Variants in MCU observed in about 807,000 individuals in gnomAD.
The protein encoded by MCU is calcium uniporter protein, mitochondrial.
A neutral mutation model predicts 45.2 loss-of-function variants in MCU; 12 were observed. The observed-to-expected ratio is 0.27, with a 90% CI of 0.17 to 0.43. The LOEUF (loss-of-function observed/expected upper bound fraction) is 0.43. Ranked by LOEUF, MCU falls within the 20% of genes least tolerant of loss-of-function variation. The pLI is 1.00. For missense variants in MCU, 324 were observed against 436.7 expected, an observed-to-expected ratio of 0.74 and a Z score of 2.30; for synonymous variants, 160 against 165.1, an observed-to-expected ratio of 0.97 and a Z score of 0.24.
At chr10:72,733,973 G>A (rs1843216233) in intron 1 of MCU, among the ~76,000 whole-genome samples, 1 of 151,880 alleles carries the variant, frequency 6.6e-6, no homozygotes, top group African/African-American at 2.4e-5. Flanking sequence ...AGCTTTAAAG[G>A]GAATGTGGTC....
chr10:72,882,391 C>G (rs528052023), intron 6 of MCU, among the ~76,000 whole-genome samples: 3 of 152,334 alleles, frequency 2.0e-5, no homozygotes, highest in African/African-American at 7.2e-5. Flanking sequence ...AGCCATATTT[C>G]TCTTCTTTCA....
At chr10:72,699,949 G>A (rs769463571) in intron 1 of MCU, among the ~76,000 whole-genome samples, 1 of 151,632 alleles carries the variant, frequency 6.6e-6, no homozygotes, top group Non-Finnish European at 1.5e-5. Flanking sequence ...AATGGGTCAC[G>A]CATCTTCTCA....
intron 1 of MCU, among the ~76,000 whole-genome samples, chr10:72,712,143 T>G (rs1167096907): frequency 6.6e-6 from 1 of 152,198 alleles, no homozygotes; most frequent in African/African-American, 2.4e-5. Flanking sequence ...TTTAAACCTC[T>G]GTTAACTGAC....
At chr10:72,740,303 C>T (rs1024562688) in intron 1 of MCU, among the ~76,000 whole-genome samples, 12 of 150,986 alleles carry the variant, frequency 7.9e-5, no homozygotes, top group East Asian at 5.9e-4. Flanking sequence ...TGCTTGAACC[C>T]GGGAGGCAGA....
intron 1 of MCU, chr10:72,721,037 A>G (rs1483241464): frequency 6.5e-6 from 1 of 154,110 alleles, no homozygotes; most frequent in Non-Finnish European, 1.5e-5. Context: ...CCTGAATGAA[A>G]GAGCCAGTGG....
chr10:72,855,306 T>C (rs909186086), intron 2 of MCU, among the ~76,000 whole-genome samples: 1 of 151,968 alleles, frequency 6.6e-6, no homozygotes, highest in African/African-American at 2.4e-5. Context: ...GCCTGAGCAT[T>C]GTGGCTCAAT....
chr10:72,714,315 A>C (rs1420455269), intron 1 of MCU, among the ~76,000 whole-genome samples: 1 of 113,482 alleles, frequency 8.8e-6, no homozygotes, highest in East Asian at 2.2e-4. Flanking sequence ...TTTGTTTATG[A>C]GCTGTTACTT....
chr10:72,765,786 CAAAAAAAAAAAAAA>C (rs36071651), intron 1 of MCU, among the ~76,000 whole-genome samples: 1 of 63,222 alleles, frequency 1.6e-5, no homozygotes, highest in Non-Finnish European at 3.4e-5. Flanking sequence ...GACGCTGTCT[CAAAAAAAAAAAAAA>C]AAAAAAAAGA....
intron 1 of MCU, among the ~76,000 whole-genome samples, chr10:72,791,988 C>T (rs1844168064): frequency 1.3e-5 from 2 of 152,208 alleles, no homozygotes; most frequent in Admixed American, 6.5e-5. Context: ...TCTTCCACTT[C>T]CTAGCTGTTT....
chr10:72,729,262 C>T (rs940057616), intron 1 of MCU, among the ~76,000 whole-genome samples: 7 of 152,042 alleles, frequency 4.6e-5, no homozygotes, highest in Non-Finnish European at 1.0e-4. Flanking sequence ...GTCAGGAGTT[C>T]GAGACCAGCC....
Position 72,879,193 on chromosome 10 carries a change from A to T in MCU, c.862-5073A>T, listed in dbSNP as rs545895016. ...CATGAGGATCGCTTGAACCTGAGAG[A>T]CGAAGGTTGCAGTGAACTGAGATCA... On this transcript the variant is annotated intron_variant, in intron 6 of 7. Coordinates refer to ENST00000373053, the MANE Select transcript of MCU (RefSeq NM_138357.3). Among the ~76,000 whole-genome samples, 15 of 152,152 alleles carry T rather than the reference A, an allele frequency of 9.9e-5. 1 individual carries two copies. The South Asian group carries it at 3.1e-3, about 32-fold the overall frequency.
chr10:72,734,593 A>G (rs976265992), intron 1 of MCU, among the ~76,000 whole-genome samples: 2 of 152,124 alleles, frequency 1.3e-5, no homozygotes, highest in Non-Finnish European at 2.9e-5. Context: ...ATATTGAACC[A>G]AGGTTTTAAT....
At chr10:72,840,693 C>A (rs1001295037) in intron 2 of MCU, among the ~76,000 whole-genome samples, 3 of 152,100 alleles carry the variant, frequency 2.0e-5, no homozygotes, top group Non-Finnish European at 2.9e-5. Flanking sequence ...GCACACAGAG[C>A]CTAAGTATTT....
At chr10:72,754,174 C>T (rs1220002223) in intron 1 of MCU, among the ~76,000 whole-genome samples, 2 of 152,142 alleles carry the variant, frequency 1.3e-5, no homozygotes, top group African/African-American at 4.8e-5. Flanking sequence ...ACTTGGGGAC[C>T]TGTGCTTAGA....
intron 1 of MCU, among the ~76,000 whole-genome samples, chr10:72,829,418 C>A (rs1008404414): frequency 2.6e-5 from 4 of 151,458 alleles, no homozygotes; most frequent in Admixed American, 2.6e-4. Flanking sequence ...TTTGTATCTG[C>A]CAAGATTTAA....
intron 1 of MCU, among the ~76,000 whole-genome samples, chr10:72,711,973 A>G (rs1842900935): frequency 6.6e-6 from 1 of 151,274 alleles, no homozygotes; most frequent in African/African-American, 2.4e-5. Context: ...TGGCCCCCCA[A>G]AGTGTTGGGA....
At chr10:72,875,427 AT>A (rs1176854482) in intron 6 of MCU, among the ~76,000 whole-genome samples, 1 of 152,198 alleles carries the variant, frequency 6.6e-6, no homozygotes, top group South Asian at 2.1e-4. Flanking sequence ...CCATTCTGTG[AT>A]TACCAAAATA....
At chr10:72,860,360 A>G in intron 3 of MCU, 63 bp from the exon 4 acceptor site, 1 of 1,382,120 alleles carries the variant, frequency 7.2e-7, no homozygotes, top group Non-Finnish European at 1.0e-6. Flanking sequence ...TGAAGATTGA[A>G]TTTTCCTGAC....
intron 1 of MCU, among the ~76,000 whole-genome samples, chr10:72,707,621 G>A (rs1842840486): frequency 6.9e-6 from 1 of 145,622 alleles, no homozygotes; most frequent in Admixed American, 6.7e-5. Context: ...GTGTGTGTGT[G>A]TGTGTGTGTG....
Sources: allele counts gnomAD v4.1 joint callset (sites outside exome capture counted in the v4.1 genomes callset), GRCh38; gene constraint gnomAD v4.1.1; transcripts MANE v1.5; gene names NCBI Gene and HGNC (gene_info 2026-07-23, HGNC 2026-07-21).